C7orf78: variants seen among roughly 807,000 people sequenced by gnomAD.
The protein encoded by C7orf78 is chromosome 7 open reading frame 78.
the C7orf78 span, chr7:12,496,674 A>C: frequency 6.6e-6 from 1 of 152,226 alleles, no homozygotes; most frequent in Non-Finnish European, 1.5e-5. Context: ...CTTATAATTT[A>C]CTTGAAATCT....
At chr7:12,486,093 C>T in the C7orf78 span, among the ~76,000 whole-genome samples, 2 of 152,028 alleles carry the variant, frequency 1.3e-5, no homozygotes, top group Non-Finnish European at 2.9e-5. Flanking sequence ...ATTTGTTTTG[C>T]CTAGAAGGAA....
At chr7:12,496,115 C>T in the C7orf78 span, among the ~76,000 whole-genome samples, 1 of 152,170 alleles carries the variant, frequency 6.6e-6, no homozygotes, top group Admixed American at 6.5e-5. Flanking sequence ...TTAGTAGAGA[C>T]GGGGTTTCAC....
At chr7:12,515,099 A>G in the C7orf78 span, among the ~76,000 whole-genome samples, 1 of 152,164 alleles carries the variant, frequency 6.6e-6, no homozygotes, top group Non-Finnish European at 1.5e-5. Flanking sequence ...TTTGGAGATC[A>G]CTGTGCCTTC....
the C7orf78 span, among the ~76,000 whole-genome samples, chr7:12,530,035 G>C: frequency 7.5e-5 from 6 of 79,782 alleles, no homozygotes; most frequent in African/African-American, 3.7e-4. Context: ...CTCGTGGAGA[G>C]ATGCTTTCAA....
At chr7:12,490,347 G>A in the C7orf78 span, among the ~76,000 whole-genome samples, 2 of 152,122 alleles carry the variant, frequency 1.3e-5, no homozygotes, top group East Asian at 1.9e-4. Flanking sequence ...TTTTTGAAAT[G>A]ATGCTTGTAA....
chr7:12,523,410 C>A, the C7orf78 span: 2 of 398,034 alleles, frequency 5.0e-6, no homozygotes, highest in African/African-American at 4.1e-5. Flanking sequence ...AATCCCAAAC[C>A]ACATGACTTT....
the C7orf78 span, among the ~76,000 whole-genome samples, chr7:12,489,558 T>A: frequency 1.3e-5 from 2 of 152,090 alleles, no homozygotes; most frequent in African/African-American, 4.8e-5. Flanking sequence ...TCGCACTTAT[T>A]TTTCATTCAC....
chr7:12,499,969 C>T, the C7orf78 span, among the ~76,000 whole-genome samples: 1 of 121,494 alleles, frequency 8.2e-6, no homozygotes, highest in Admixed American at 8.9e-5. Flanking sequence ...ACAACCTGCT[C>T]CTGAATGACT....
the C7orf78 span, among the ~76,000 whole-genome samples, chr7:12,515,427 A>G: frequency 6.6e-6 from 1 of 151,944 alleles, no homozygotes; most frequent in South Asian, 2.1e-4. Context: ...ATTAAACCTC[A>G]TTTTCTTCCC....
the C7orf78 span, among the ~76,000 whole-genome samples, chr7:12,490,936 T>C: frequency 6.6e-6 from 1 of 151,966 alleles, no homozygotes; most frequent in Non-Finnish European, 1.5e-5. Context: ...CTGATTTTCT[T>C]CCTTAGAGGA....
chr7:12,492,927 G>A, the C7orf78 span, among the ~76,000 whole-genome samples: 4 of 152,214 alleles, frequency 2.6e-5, no homozygotes, highest in Non-Finnish European at 5.9e-5. Flanking sequence ...ATCCACACTG[G>A]TGCGGTGGCT....
the C7orf78 span, among the ~76,000 whole-genome samples, chr7:12,540,044 T>A: frequency 6.6e-6 from 1 of 152,230 alleles, no homozygotes; most frequent in African/African-American, 2.4e-5. Context: ...AAGAACAGTC[T>A]ATGGGATTAT....
the C7orf78 span, among the ~76,000 whole-genome samples, chr7:12,500,024 G>C: frequency 9.1e-6 from 1 of 110,074 alleles, no homozygotes; most frequent in Admixed American, 9.6e-5. Flanking sequence ...CATGTTCTTT[G>C]AAACCAACGA....
At chr7:12,520,108 C>G in the C7orf78 span, among the ~76,000 whole-genome samples, 1 of 152,194 alleles carries the variant, frequency 6.6e-6, no homozygotes, top group Admixed American at 6.5e-5. Context: ...TCCCACTTAC[C>G]CTTTCTCTGC....
the C7orf78 span, chr7:12,496,764 T>C: frequency 2.0e-5 from 3 of 152,242 alleles, no homozygotes; most frequent in African/African-American, 4.8e-5. Flanking sequence ...TATATGCTTT[T>C]GATAAAGAAC....
chr7:12,508,434 A>C, the C7orf78 span, among the ~76,000 whole-genome samples: 1 of 152,212 alleles, frequency 6.6e-6, no homozygotes, highest in Non-Finnish European at 1.5e-5. Flanking sequence ...TGTGGTAAAT[A>C]TGAGAAAATG....
At chr7:12,490,622 C>T in the C7orf78 span, among the ~76,000 whole-genome samples, 1,306 of 151,932 alleles carry the variant, frequency 8.6e-3, 29 homozygotes, top group East Asian at 0.07. Flanking sequence ...AACAGTGTGC[C>T]GGGGAAAGAG....
At chr7:12,537,889 C>T in the C7orf78 span, among the ~76,000 whole-genome samples, 2 of 152,038 alleles carry the variant, frequency 1.3e-5, no homozygotes, top group African/African-American at 4.8e-5. Context: ...AAGCCAGATG[C>T]TCTATATATG....
chr7:12,532,619 C>T, the C7orf78 span, among the ~76,000 whole-genome samples: 1 of 151,526 alleles, frequency 6.6e-6, no homozygotes, highest in African/African-American at 2.4e-5. Flanking sequence ...TTAATTTTTT[C>T]TTAACTCCTG....
Sources: gnomAD v4.1 joint callset for allele counts (sites outside exome capture counted in the v4.1 genomes callset) on GRCh38, gnomAD v4.1.1 for gene constraint, MANE v1.5 for transcripts, NCBI Gene and HGNC (gene_info 2026-07-23, HGNC 2026-07-21) for gene names.